The following CLVS1 variants were observed in gnomAD, a reference collection of about 807,000 sequenced individuals.
CLVS1 encodes the protein clavesin 1.
A neutral mutation model predicts 33.1 loss-of-function variants in CLVS1; 10 were observed. That is an observed-to-expected ratio of 0.30 (90% CI 0.19 to 0.51). The LOEUF is 0.51. CLVS1 is among the 20% of genes least tolerant of loss of function. The pLI is 0.97. For missense variants in CLVS1, 343 were observed against 433.4 expected (o/e 0.79, Z 1.85); for synonymous variants, 163 against 166.1 (o/e 0.98, Z 0.14).
At chr8:61,088,484 T>A (rs1369490091) in intron 1 of CLVS1, among the ~76,000 whole-genome samples, 1 of 56,544 alleles carries the variant, frequency 1.8e-5, no homozygotes, top group African/African-American at 1.6e-4. Context: ...AGCGAGACTG[T>A]CTCAAAAAAA....
chr8:61,220,716 T>G (rs746747258), intron 2 of CLVS1, among the ~76,000 whole-genome samples: 1 of 152,156 alleles, frequency 6.6e-6, no homozygotes, highest in African/African-American at 2.4e-5. Flanking sequence ...GGTAGTTTGA[T>G]GGGAATAGAA....
At chr8:61,073,555 A>G (rs1804841153) in intron 1 of CLVS1, among the ~76,000 whole-genome samples, 1 of 152,032 alleles carries the variant, frequency 6.6e-6, no homozygotes, top group Non-Finnish European at 1.5e-5. Context: ...CCTGTTCATC[A>G]CCCACTTACT....
intron 1 of CLVS1, among the ~76,000 whole-genome samples, chr8:61,072,758 A>ATCCT (rs1804822241): frequency 6.6e-6 from 1 of 152,214 alleles, no homozygotes; most frequent in Non-Finnish European, 1.5e-5. Context: ...CTCACATAAA[A>ATCCT]TAAAATAACA....
the CLVS1 span, among the ~76,000 whole-genome samples, chr8:61,049,914 C>G: frequency 6.6e-6 from 1 of 152,204 alleles, no homozygotes; most frequent in African/African-American, 2.4e-5. Context: ...CAATGGCAAT[C>G]CTGTATTATT....
At chr8:60,978,103 A>G in the CLVS1 span, among the ~76,000 whole-genome samples, 2 of 152,236 alleles carry the variant, frequency 1.3e-5, no homozygotes, top group Non-Finnish European at 2.9e-5. Context: ...GATAAACAAA[A>G]GCTGAGGGAG....
chr8:61,255,310 T>C (rs1809054787), intron 2 of CLVS1, among the ~76,000 whole-genome samples: 1 of 152,194 alleles, frequency 6.6e-6, no homozygotes, highest in Non-Finnish European at 1.5e-5. Flanking sequence ...ACATCTGATC[T>C]TTTGAGAGAA....
At chr8:61,149,912 A>G (rs1806493961) in intron 2 of CLVS1, among the ~76,000 whole-genome samples, 1 of 152,168 alleles carries the variant, frequency 6.6e-6, no homozygotes, top group South Asian at 2.1e-4. Flanking sequence ...ATTCTATAAC[A>G]TCAAGCCTTA....
At chr8:61,070,657 T>C (rs1038524017) in intron 1 of CLVS1, among the ~76,000 whole-genome samples, 10 of 152,078 alleles carry the variant, frequency 6.6e-5, no homozygotes, top group African/African-American at 1.2e-4. Flanking sequence ...CTGGGGAACA[T>C]TGGGAGACCC....
intron 3 of CLVS1, among the ~76,000 whole-genome samples, chr8:61,381,579 G>T (rs753580308): frequency 6.6e-5 from 10 of 151,930 alleles, no homozygotes; most frequent in Non-Finnish European, 1.2e-4. Flanking sequence ...TTTGTTCCTC[G>T]CCCTCCTTCT....
intron 2 of CLVS1, among the ~76,000 whole-genome samples, chr8:61,314,370 T>G (rs1810942269): frequency 6.6e-6 from 1 of 152,218 alleles, no homozygotes. Context: ...ATGCCTCATT[T>G]ACTTTAAATC....
At chr8:60,989,348 T>A in the CLVS1 span, among the ~76,000 whole-genome samples, 6 of 152,170 alleles carry the variant, frequency 3.9e-5, no homozygotes, top group Non-Finnish European at 8.8e-5. Flanking sequence ...GCCCAGCTAA[T>A]TTTTTATATT....
chr8:61,100,517 CTT>C (rs892481332), intron 1 of CLVS1, among the ~76,000 whole-genome samples: 1 of 152,160 alleles, frequency 6.6e-6, no homozygotes, highest in African/African-American at 2.4e-5. Flanking sequence ...ACTTTCAAGA[CTT>C]TTAAAAATTG....
At chr8:61,387,404 C>CA (rs1563530134) in intron 3 of CLVS1, among the ~76,000 whole-genome samples, 2 of 146,720 alleles carry the variant, frequency 1.4e-5, no homozygotes, top group Admixed American at 6.9e-5. Flanking sequence ...AAAACAAAAA[C>CA]AAAAAAACCC....
At chr8:61,174,036 C>T (rs886500418) in intron 2 of CLVS1, among the ~76,000 whole-genome samples, 15 of 152,132 alleles carry the variant, frequency 9.9e-5, no homozygotes, top group Non-Finnish European at 2.1e-4. Flanking sequence ...GAATACTGCT[C>T]TAGTCCTGTC....
the CLVS1 span, among the ~76,000 whole-genome samples, chr8:60,970,454 A>C: frequency 6.6e-6 from 1 of 152,208 alleles, no homozygotes; most frequent in Non-Finnish European, 1.5e-5. Flanking sequence ...CATGTTCTGC[A>C]GTTTCCTAAG....
intron 2 of CLVS1, among the ~76,000 whole-genome samples, chr8:61,171,858 G>A (rs1807007774): frequency 6.6e-6 from 1 of 152,150 alleles, no homozygotes; most frequent in Non-Finnish European, 1.5e-5. Context: ...AAATTACTTT[G>A]AGCTAAAGTC....
Position 61,300,279 on chromosome 8 carries a change from G to A in CLVS1, c.452G>A (p.Ser151Asn). The A allele has an allele frequency of 6.2e-7, 1 of 1,609,742 alleles. No homozygotes were observed. The highest frequency in any genetic ancestry group is 8.5e-7 in the Non-Finnish European group (1 of 1,177,782). ...CTGTTTGCAGCCAATTGGGATCAGA[G>A]TAGGTAAATGTAGATAGTGTCTTTA... ...LLLFAANWDQ[S>N]RNSFTDILRA... The change falls in exon 2 of 6, where the codon AGT becomes AAT. Residue 151 changes from serine to asparagine, a missense_variant. Around this residue, in one of 4 missense-constraint regions of CLVS1, gnomAD observed 166 missense variants for 244.0 expected, o/e 0.68. Coordinates refer to ENST00000325897, the MANE Select transcript of CLVS1 (RefSeq NM_173519.3).
intron 2 of CLVS1, among the ~76,000 whole-genome samples, chr8:61,233,229 G>C (rs1476508313): frequency 1.3e-5 from 2 of 152,192 alleles, no homozygotes; most frequent in African/African-American, 4.8e-5. Context: ...TTAAGCAAGA[G>C]TGTGTAATTT....
intron 1 of CLVS1, among the ~76,000 whole-genome samples, chr8:61,081,390 C>T (rs1805017314): frequency 6.6e-6 from 1 of 152,132 alleles, no homozygotes; most frequent in Non-Finnish European, 1.5e-5. Context: ...GTCCAAGCTT[C>T]CCCCAAGCAC....
Sources: allele counts gnomAD v4.1 joint callset (sites outside exome capture counted in the v4.1 genomes callset), GRCh38; gene constraint gnomAD v4.1.1; regional missense constraint gnomAD v4.1.1; transcripts MANE v1.5; gene names NCBI Gene and HGNC (gene_info 2026-07-23, HGNC 2026-07-21).